The following PRKCH variants were observed in gnomAD, a reference collection of about 807,000 sequenced individuals.
PRKCH encodes protein kinase C eta type.
In PRKCH, 28 loss-of-function variants were observed where a neutral mutation model predicts 82.5. The ratio of observed to expected loss-of-function variants is 0.34; its 90% confidence interval spans 0.25 to 0.47. The LOEUF is 0.47. Among genes scored for constraint, PRKCH ranks in the 20% least tolerant of loss-of-function variants. PRKCH has a pLI of 1.00. For missense variants in PRKCH, 705 were observed against 881.8 expected, an observed-to-expected ratio of 0.80 and a Z score of 2.54; for synonymous variants, 322 against 327.4, an observed-to-expected ratio of 0.98 and a Z score of 0.18.
At chr14:61,342,282 A>G (rs558683871) in intron 1 of PRKCH, among the ~76,000 whole-genome samples, 3 of 152,190 alleles carry the variant, frequency 2.0e-5, no homozygotes, top group South Asian at 2.1e-4. Flanking sequence ...AGCATATAAT[A>G]TGATCAACCT....
chr14:61,364,144 A>T (rs2046268522), intron 1 of PRKCH, among the ~76,000 whole-genome samples: 1 of 151,032 alleles, frequency 6.6e-6, no homozygotes, highest in African/African-American at 2.4e-5. Context: ...AAGTGCTGGG[A>T]TTATAGGTGT....
upstream of PRKCH, among the ~76,000 whole-genome samples, chr14:61,319,883 C>T (rs1319970612): frequency 6.6e-6 from 1 of 152,162 alleles, no homozygotes; most frequent in Non-Finnish European, 1.5e-5. Flanking sequence ...CAAGACAGGC[C>T]CTTTCCCCCC....
rs770869788 is a variant in PRKCH at position 61,443,102 on chromosome 14, A to G, written c.428-9A>G. 5 of 1,609,446 alleles carry G rather than the reference A, an allele frequency of 3.1e-6. No homozygotes were observed. The highest frequency in any genetic ancestry group is 1.7e-4 in the Middle Eastern group (1 of 6,034). ...TCTTATTCTTTTTTTCCTTCCTTTTAATATATAGCTACTCTCCAGAGAGAC... is the reference window on the plus strand; with the variant it reads ...TCTTATTCTTTTTTTCCTTCCTTTTGATATATAGCTACTCTCCAGAGAGAC... On this transcript the variant is annotated splice_polypyrimidine_tract_variant and intron_variant, in intron 2 of 13. Transcript: ENST00000332981.
chr14:61,476,886 G>T (rs775224249), intron 9 of PRKCH, among the ~76,000 whole-genome samples: 10 of 152,122 alleles, frequency 6.6e-5, no homozygotes, highest in Admixed American at 5.9e-4. Flanking sequence ...GCAGCCATTA[G>T]ACTCCTTCTC....
At chr14:61,391,501 C>G (rs181325270) in intron 2 of PRKCH, among the ~76,000 whole-genome samples, 1 of 152,302 alleles carries the variant, frequency 6.6e-6, no homozygotes, top group East Asian at 1.9e-4. Flanking sequence ...GGCAATCTCA[C>G]GTTTCATTTA....
At chr14:61,193,728 C>G (rs565474837) in intron 1 of PRKCH, among the ~76,000 whole-genome samples, 3 of 152,224 alleles carry the variant, frequency 2.0e-5, no homozygotes, top group East Asian at 3.9e-4. Context: ...AACAGAACAG[C>G]CTGAAATCTG....
intron 2 of PRKCH, among the ~76,000 whole-genome samples, chr14:61,392,248 A>G (rs888650754): frequency 1.3e-5 from 2 of 152,140 alleles, no homozygotes; most frequent in African/African-American, 4.8e-5. Flanking sequence ...TTCTGGACAT[A>G]ACACTTTCAT....
At chr14:61,355,470 G>A (rs1284042679) in intron 1 of PRKCH, among the ~76,000 whole-genome samples, 1 of 151,964 alleles carries the variant, frequency 6.6e-6, no homozygotes, top group Non-Finnish European at 1.5e-5. Flanking sequence ...TGATCTTTTG[G>A]TAGGAGACTT....
chr14:61,297,309 A>G (rs2045413733), intron 1 of PRKCH, among the ~76,000 whole-genome samples: 1 of 152,216 alleles, frequency 6.6e-6, no homozygotes, highest in African/African-American at 2.4e-5. Context: ...CCACAGTCTT[A>G]TGAAACTTAC....
chr14:61,197,845 G>A (rs1437128395), intron 1 of PRKCH, among the ~76,000 whole-genome samples: 2 of 152,136 alleles, frequency 1.3e-5, no homozygotes, highest in Non-Finnish European at 2.9e-5. Flanking sequence ...CTTGTGAGGT[G>A]CGTAGAGATG....
intron 1 of PRKCH, chr14:61,327,161 TTCTC>T (rs775435031): frequency 4.2e-5 from 19 of 455,258 alleles, no homozygotes; most frequent in South Asian, 2.9e-4. Flanking sequence ...GAGGGCCTCT[TTCTC>T]TCAATTTCTC....
At chr14:61,241,239 A>G (rs2044834336) in intron 1 of PRKCH, among the ~76,000 whole-genome samples, 1 of 152,258 alleles carries the variant, frequency 6.6e-6, no homozygotes, top group Non-Finnish European at 1.5e-5. Context: ...GAAGGGGCAC[A>G]GAATTTCCAT....
chr14:61,242,489 CCAGGTT>C (rs2044847756), intron 1 of PRKCH, among the ~76,000 whole-genome samples: 1 of 152,202 alleles, frequency 6.6e-6, no homozygotes, highest in Admixed American at 6.5e-5. Flanking sequence ...CCTCTGCCTC[CCAGGTT>C]CAATCAATTC....
At chr14:61,451,995 T>C (rs922898881) in intron 6 of PRKCH, among the ~76,000 whole-genome samples, 2 of 152,204 alleles carry the variant, frequency 1.3e-5, no homozygotes, top group Admixed American at 6.5e-5. Context: ...AGCTTGATCT[T>C]AGCGTGACGG....
intron 1 of PRKCH, among the ~76,000 whole-genome samples, chr14:61,349,096 GTTTA>G (rs1205932857): frequency 6.6e-6 from 1 of 152,234 alleles, no homozygotes; most frequent in South Asian, 2.1e-4. Flanking sequence ...CTAAGTAGAT[GTTTA>G]TTTGTTTATC....
intron 1 of PRKCH, among the ~76,000 whole-genome samples, chr14:61,211,293 G>C (rs1456593192): frequency 1.3e-5 from 2 of 152,208 alleles, no homozygotes; most frequent in Non-Finnish European, 2.9e-5. Flanking sequence ...GTGCCGCAGT[G>C]CATGGCACCT....
chr14:61,307,551 T>TA (rs954767660), intron 1 of PRKCH, among the ~76,000 whole-genome samples: 10 of 152,306 alleles, frequency 6.6e-5, no homozygotes, highest in African/African-American at 2.2e-4. Flanking sequence ...GAATGTGTAA[T>TA]AAAAAACATG....
Position 61,258,201 on chromosome 14 carries a change from C to T in PRKCH, c.-19+70533C>T, listed in dbSNP as rs150848630. Among the ~76,000 whole-genome samples, 552 of 152,290 alleles carry T rather than the reference C, an allele frequency of 3.6e-3. 3 individuals are homozygous for T. Among genetic ancestry groups the T allele is most frequent in the Middle Eastern group, 6.8e-3 (2 of 294 alleles). On this transcript the variant is annotated intron_variant, in intron 1 of 3. Coordinates refer to the PRKCH transcript ENST00000555185. ...CATGTTTATGGTCAAAATTACCTTT[C>T]ACCCTGGAAATAACACAGATTGACA...
chr14:61,193,577 C>G (rs1361675849), intron 1 of PRKCH, among the ~76,000 whole-genome samples: 1 of 151,840 alleles, frequency 6.6e-6, no homozygotes, highest in African/African-American at 2.4e-5. Context: ...AATATGAAAG[C>G]ATTCTTGTGA....
Sources: allele counts gnomAD v4.1 joint callset (sites outside exome capture counted in the v4.1 genomes callset), GRCh38; gene constraint gnomAD v4.1.1; transcripts MANE v1.5; gene names NCBI Gene and HGNC (gene_info 2026-07-23, HGNC 2026-07-21).